MTFR2: variants seen among roughly 807,000 people sequenced by gnomAD.
MTFR2 encodes mitochondrial fission regulator 2.
MTFR2 carries 44 observed loss-of-function variants against 41.2 expected under a neutral mutation model. That is an observed-to-expected ratio of 1.07 (90% confidence interval 0.84 to 1.37). The LOEUF (loss-of-function observed/expected upper bound fraction) is 1.37. Among genes scored for constraint, MTFR2 ranks in the 40% most tolerant of loss-of-function variants. MTFR2 has a pLI of 0.00. For missense variants in MTFR2, 452 were observed against 459.5 expected, an observed-to-expected ratio of 0.98 and a Z score of 0.15; for synonymous variants, 141 against 154.6, an observed-to-expected ratio of 0.91 and a Z score of 0.65.
intron 2 of MTFR2, among the ~76,000 whole-genome samples, chr6:136,248,529 C>A (rs1473887389): frequency 6.6e-6 from 1 of 152,198 alleles, no homozygotes; most frequent in African/African-American, 2.4e-5. Flanking sequence ...TTGCCTTCAG[C>A]AATGATTGTG....
Position 136,241,022 on chromosome 6 carries a change from T to C in MTFR2, c.514+422A>G, listed in dbSNP as rs371721627. On this transcript the variant is annotated intron_variant, in intron 5 of 7. Coordinates refer to ENST00000420702, the MANE Select transcript of MTFR2 (RefSeq NM_001099286.3). ...AGGAGAATGGCGTGAACCCGGGAGG[T>C]GGAGCTTGCAGTGAGCCAAGATCGT... 2.5e-3 allele frequency among the ~76,000 whole-genome samples: 353 copies of C among 139,988 alleles called. 1 individual carries two copies. Among genetic ancestry groups the C allele is most frequent in the East Asian group, 0.01 (50 of 4,888 alleles). 91.8% of individuals were successfully genotyped at this position (139,988 alleles called of 152,430 possible).
chr6:136,242,908 A>G lies in MTFR2; in HGVS notation c.234T>C (p.Asp78=). ...NCGSMVPSFA[D]ILYVANDEEA... ...CTTCATCATTTGCCACATACAAAATATCAGCAAAAGATGGAACCATAGATC... is the reference window on the plus strand; with the variant it reads ...CTTCATCATTTGCCACATACAAAATGTCAGCAAAAGATGGAACCATAGATC... Residue 78 remains aspartate, a synonymous_variant, in exon 4 of 8, where the codon GAT becomes GAC. Coordinates refer to ENST00000420702, the MANE Select transcript of MTFR2 (RefSeq NM_001099286.3). The G allele has an allele frequency of 1.2e-6, 2 of 1,613,540 alleles. No homozygotes were observed. Among genetic ancestry groups the G allele is most frequent in the Non-Finnish European group, 1.7e-6 (2 of 1,179,896 alleles).
chr6:136,248,332 A>G (rs1486262053), intron 2 of MTFR2, among the ~76,000 whole-genome samples: 1 of 152,222 alleles, frequency 6.6e-6, no homozygotes, highest in African/African-American at 2.4e-5. Flanking sequence ...CTCACCTTGA[A>G]TTGTAATTAT....
chr6:136,244,744 A>T, intron 3 of MTFR2, 21 bp downstream of exon 3: 1 of 1,535,236 alleles, frequency 6.5e-7, no homozygotes, highest in Non-Finnish European at 9.0e-7. Context: ...GTACTTAAAC[A>T]ATTTATGTTG....
intron 2 of MTFR2, 127 bp from the exon 3 acceptor site, chr6:136,244,996 C>A: frequency 3.4e-6 from 2 of 592,888 alleles, no homozygotes; most frequent in Non-Finnish European, 2.9e-6. Flanking sequence ...ACAGGGAGTC[C>A]TGTAAAATAA....
intron 7 of MTFR2, among the ~76,000 whole-genome samples, chr6:136,231,927 G>C (rs1446632479): frequency 6.6e-6 from 1 of 152,076 alleles, no homozygotes; most frequent in African/African-American, 2.4e-5. Flanking sequence ...TGGGATTATA[G>C]GCACTACAGG....
intron 2 of MTFR2, among the ~76,000 whole-genome samples, chr6:136,246,670 G>A (rs1267824066): frequency 6.6e-6 from 1 of 151,990 alleles, no homozygotes; most frequent in Non-Finnish European, 1.5e-5. Context: ...ACCAAGCATG[G>A]ATTTTCTGGT....
In MTFR2 at chr6:136,239,768, CGAT is replaced by C. The variant is rs1780004964; in HGVS notation, c.564_566del (p.Ser189del). ...GGTCCACACTCAGATGGGCAGCCCG[CGAT>C]GATGACAGCTGACCCAAACTAATGC... On this transcript the variant is annotated inframe_deletion, in exon 6 of 8. Transcript: ENST00000420702. 1 of 1,613,832 alleles carries C rather than the reference CGAT, an allele frequency of 6.2e-7. No individual in the cohort carries two copies. Among genetic ancestry groups the C allele is most frequent in the Admixed American group, 1.7e-5 (1 of 59,972 alleles).
intron 3 of MTFR2, 97 bp downstream of exon 3, chr6:136,244,668 G>T: frequency 2.4e-6 from 2 of 822,002 alleles, no homozygotes; most frequent in Non-Finnish European, 3.9e-6. Flanking sequence ...TGGCTTGCAG[G>T]AAATGTTTCT....
chr6:136,243,682 C>G (rs1228098557), intron 3 of MTFR2, among the ~76,000 whole-genome samples: 1 of 150,180 alleles, frequency 6.7e-6, no homozygotes, highest in East Asian at 1.9e-4. Context: ...GACTCCACTT[C>G]GTTCAGCCTG....
At position 136,249,024 on chromosome 6, in the gene MTFR2, A is replaced by T; in HGVS notation, c.63+13T>A. ...AATACAACAGATCCATTCCAATCCAAAACGACATTTACCTGTTCTACAGGA... is the reference window on the plus strand; with the variant it reads ...AATACAACAGATCCATTCCAATCCATAACGACATTTACCTGTTCTACAGGA... On this transcript the variant is annotated intron_variant, in intron 2 of 7. Transcript: ENST00000420702. The T allele has an allele frequency of 6.3e-7, 1 of 1,598,118 alleles. No individual in the cohort carries two copies. The highest frequency in any genetic ancestry group is 1.1e-5 in the South Asian group (1 of 87,866).
At chr6:136,239,094 G>C (rs549647628) in intron 6 of MTFR2, among the ~76,000 whole-genome samples, 1 of 152,226 alleles carries the variant, frequency 6.6e-6, no homozygotes, top group Admixed American at 6.5e-5. Flanking sequence ...TTATAATAAG[G>C]ATATTAATTC....
intron 2 of MTFR2, among the ~76,000 whole-genome samples, chr6:136,245,734 T>C (rs1413213488): frequency 1.3e-5 from 2 of 152,230 alleles, no homozygotes; most frequent in Admixed American, 1.3e-4. Flanking sequence ...TGTAAAATTT[T>C]CCCATTGTGG....
intron 6 of MTFR2, among the ~76,000 whole-genome samples, chr6:136,238,462 T>C (rs1260253490): frequency 1.3e-5 from 2 of 150,900 alleles, no homozygotes; most frequent in African/African-American, 4.9e-5. Context: ...TAAGATAAAA[T>C]AAAAAATAAA....
In MTFR2 at chr6:136,239,582, C is replaced by G. The variant is rs147631179; in HGVS notation, c.753G>C (p.Pro251=). The change falls in exon 6 of 8, where the codon CCG becomes CCC. Residue 251 remains proline (P), a synonymous_variant. Coordinates refer to ENST00000420702, the MANE Select transcript of MTFR2 (RefSeq NM_001099286.3). Reference sequence around the variant, plus strand: ...GACTATAATTGGTCTTATTAGCAGCCGGGTTCTGTTTGCTCATTTCAGTTG... The same window carrying G: ...GACTATAATTGGTCTTATTAGCAGCGGGGTTCTGTTTGCTCATTTCAGTTG... ...NPATEMSKQN[P]AANKTNYSHH... is the part of the protein sequence containing the mutation. 606 of 1,614,010 alleles carry G rather than the reference C, an allele frequency of 3.8e-4. 3 individuals are homozygous for G. The African/African-American group carries it at 7.4e-3, about 20-fold the overall frequency.
At chr6:136,247,264 T>A (rs1359221976) in intron 2 of MTFR2, among the ~76,000 whole-genome samples, 2 of 152,012 alleles carry the variant, frequency 1.3e-5, no homozygotes, top group Non-Finnish European at 2.9e-5. Context: ...GGCAGGAGAA[T>A]CACTTGAACC....
chr6:136,237,864 C>G (rs913142102), intron 6 of MTFR2, among the ~76,000 whole-genome samples: 12 of 151,592 alleles, frequency 7.9e-5, no homozygotes, highest in African/African-American at 2.9e-4. Flanking sequence ...AAGTAGTAAA[C>G]TAATCTACCC....
intron 2 of MTFR2, 97 bp downstream of exon 2, chr6:136,248,940 A>T: frequency 2.8e-6 from 3 of 1,067,350 alleles, no homozygotes; most frequent in Non-Finnish European, 4.1e-6. Context: ...AGAAGCAACA[A>T]CTTTGCCTTA....
In MTFR2 at chr6:136,240,901, C is replaced by T. The variant is rs370202374; in HGVS notation, c.514+543G>A. Among the ~76,000 whole-genome samples the T allele has an allele frequency of 7.2e-5, 11 of 152,230 alleles. No individual in the cohort carries two copies. In the East Asian group the frequency reaches 7.7e-4, roughly 11 times the overall value. On this transcript the variant is annotated intron_variant, in intron 5 of 7. Coordinates refer to ENST00000420702, the MANE Select transcript of MTFR2 (RefSeq NM_001099286.3). ...GGTCAGGAGATCGAGACCATCCTGG[C>T]TAACACGGTGAAACCCCGTCTCTAC... is the stretch of plus-strand genomic sequence containing the variant.
Sources: allele counts gnomAD v4.1 joint callset (sites outside exome capture counted in the v4.1 genomes callset), GRCh38; gene constraint gnomAD v4.1.1; transcripts MANE v1.5; gene names NCBI Gene and HGNC (gene_info 2026-07-23, HGNC 2026-07-21).